Variants in ATF7 observed in about 807,000 individuals in gnomAD.
The protein encoded by ATF7 is activating transcription factor 7.
A neutral mutation model predicts 50.4 loss-of-function variants in ATF7; 10 were observed. That is an observed-to-expected ratio of 0.20 (90% confidence interval 0.12 to 0.34). ATF7 has a LOEUF of 0.34. Among genes scored for constraint, ATF7 ranks in the 10% least tolerant of loss-of-function variants. The pLI is 1.00. For synonymous variants in ATF7, 201 were observed against 226.4 expected (o/e 0.89, Z 1.01); for missense variants, 465 against 613.9 (o/e 0.76, Z 2.56).
chr12:53,576,759 A>G (rs1028246603), intron 2 of ATF7, among the ~76,000 whole-genome samples: 8 of 152,222 alleles, frequency 5.3e-5, no homozygotes, highest in African/African-American at 1.7e-4. Context: ...ACTGTAACAG[A>G]AATGAAGAAT....
In ATF7 at chr12:53,551,969, C is replaced by A. The variant is rs138957203; in HGVS notation, c.145+572G>T. Among the ~76,000 whole-genome samples the A allele has an allele frequency of 2.2e-3, 339 of 152,322 alleles. 9 individuals carry two copies. Among genetic ancestry groups the A allele is most frequent in the Admixed American group, 0.018 (279 of 15,298 alleles). Reference sequence around the variant, plus strand: ...ATGGCATATACAAGCAAGACAGTATCTAAAACAACTGCTGAGAGGTTCCAG... The same window carrying A: ...ATGGCATATACAAGCAAGACAGTATATAAAACAACTGCTGAGAGGTTCCAG... On this transcript the variant is annotated intron_variant, in intron 3 of 11. Transcript: ENST00000420353.
At chr12:53,566,350 C>T (rs1439719363) in intron 2 of ATF7, among the ~76,000 whole-genome samples, 3 of 152,126 alleles carry the variant, frequency 2.0e-5, no homozygotes, top group African/African-American at 7.2e-5. Flanking sequence ...CTTAACCCAA[C>T]CCCCATTTTT....
At chr12:53,536,695 C>G (rs1240019307) in intron 5 of ATF7, among the ~76,000 whole-genome samples, 1 of 151,882 alleles carries the variant, frequency 6.6e-6, no homozygotes, top group Non-Finnish European at 1.5e-5. Context: ...CGAGACCAGC[C>G]TGACAAATGT....
At chr12:53,537,813 A>T (rs918671868) in intron 4 of ATF7, among the ~76,000 whole-genome samples, 1 of 152,158 alleles carries the variant, frequency 6.6e-6, no homozygotes, top group Admixed American at 6.6e-5. Flanking sequence ...CCCAAGTTCA[A>T]GAGATTCTCC....
intron 4 of ATF7, among the ~76,000 whole-genome samples, chr12:53,540,241 C>T (rs760678351): frequency 4.0e-5 from 6 of 151,248 alleles, no homozygotes; most frequent in Non-Finnish European, 8.8e-5. Context: ...GTCCCAGCTA[C>T]TTGGGAGGCT....
chr12:53,542,301 C>T (rs1251976229), intron 4 of ATF7, among the ~76,000 whole-genome samples: 1 of 151,634 alleles, frequency 6.6e-6, no homozygotes, highest in East Asian at 2.0e-4. Context: ...GTGGTGGGCG[C>T]CTGTAGTTCC....
intron 1 of ATF7, among the ~76,000 whole-genome samples, chr12:53,615,188 C>T (rs890754249): frequency 1.3e-5 from 2 of 151,944 alleles, no homozygotes; most frequent in Non-Finnish European, 2.9e-5. Context: ...TTGAGACCAT[C>T]CTGGCTAATA....
At chr12:53,559,574 G>C (rs559441078) in intron 2 of ATF7, among the ~76,000 whole-genome samples, 1 of 151,542 alleles carries the variant, frequency 6.6e-6, no homozygotes, top group East Asian at 2.0e-4. Flanking sequence ...AGCTACTCGG[G>C]AGGCTGAGGC....
chr12:53,524,715 C>A lies in ATF7; in HGVS notation c.974G>T (p.Arg325Leu), dbSNP rs759577252. 2 of 1,612,268 alleles carry A rather than the reference C, an allele frequency of 1.2e-6. No homozygotes were observed. The highest frequency in any genetic ancestry group is 1.7e-6 in the Non-Finnish European group (2 of 1,179,512). ...PTPSTGGRRR[R>L]TVDEDPDERR... Reference sequence around the variant, plus strand: ...CTCATCTGGATCTTCATCTACTGTGCGCCGCCGTCGCCCCCCAGTACTAGG... The same window carrying A: ...CTCATCTGGATCTTCATCTACTGTGAGCCGCCGTCGCCCCCCAGTACTAGG... The change falls in exon 10 of 12, where the codon CGC becomes CTC. Residue 325 changes from arginine (R) to leucine (L), a missense_variant. Physicochemically the swap from Arg to Leu is moderately radical, Grantham distance 102. Transcript: ENST00000420353. This position sits in a 1 kb window ranked among gnomAD's most constrained non-coding sequence, Gnocchi z 4.6.
intron 2 of ATF7, among the ~76,000 whole-genome samples, chr12:53,567,328 A>G (rs575799055): frequency 2.3e-4 from 35 of 152,306 alleles, no homozygotes; most frequent in Admixed American, 1.8e-3. Context: ...ATGGCTATAC[A>G]CTGGGCTTTT....
At chr12:53,613,532 T>TTTATG (rs1384434911) in intron 1 of ATF7, among the ~76,000 whole-genome samples, 1 of 152,070 alleles carries the variant, frequency 6.6e-6, no homozygotes, top group African/African-American at 2.4e-5. Flanking sequence ...TTTATTTTAT[T>TTTATG]TTTTCTGAGA....
chr12:53,607,198 A>G (rs948437826), intron 1 of ATF7, among the ~76,000 whole-genome samples: 82 of 152,162 alleles, frequency 5.4e-4, no homozygotes, highest in Non-Finnish European at 8.8e-4. Context: ...AAGTGTTCCT[A>G]TTTCTCCACA....
intron 1 of ATF7, among the ~76,000 whole-genome samples, chr12:53,607,532 T>C (rs1208769697): frequency 6.6e-6 from 1 of 152,152 alleles, no homozygotes; most frequent in African/African-American, 2.4e-5. Flanking sequence ...AGAACAGGAA[T>C]TTAAACAAGA....
At chr12:53,580,054 T>C (rs983666066) in intron 2 of ATF7, among the ~76,000 whole-genome samples, 3 of 151,920 alleles carry the variant, frequency 2.0e-5, no homozygotes, top group Admixed American at 6.6e-5. Flanking sequence ...CCTCAGCCTC[T>C]TGAGTAGTTG....
At chr12:53,609,995 TTAG>T (rs1943791544) in intron 1 of ATF7, among the ~76,000 whole-genome samples, 1 of 151,804 alleles carries the variant, frequency 6.6e-6, no homozygotes, top group Non-Finnish European at 1.5e-5. Context: ...TTTTGTATTT[TTAG>T]TAGAGACGGG....
At chr12:53,601,340 T>C (rs1943393974) in intron 1 of ATF7, among the ~76,000 whole-genome samples, 1 of 152,210 alleles carries the variant, frequency 6.6e-6, no homozygotes, top group Non-Finnish European at 1.5e-5. Context: ...TGCAGTTCCT[T>C]ATGTCAATAA....
At chr12:53,548,030 C>G (rs1454335058) in intron 3 of ATF7, among the ~76,000 whole-genome samples, 1 of 125,988 alleles carries the variant, frequency 7.9e-6, no homozygotes, top group Non-Finnish European at 1.8e-5. Flanking sequence ...TGCCACCATG[C>G]CTAGCTATTT....
chr12:53,625,533 C>T (rs966654865), intron 1 of ATF7, among the ~76,000 whole-genome samples: 12 of 152,234 alleles, frequency 7.9e-5, no homozygotes, highest in African/African-American at 2.9e-4. Flanking sequence ...CGACTCAGCT[C>T]ACCCATACTG....
chr12:53,508,867 G>A (rs1944074170), downstream of ATF7, among the ~76,000 whole-genome samples: 1 of 152,216 alleles, frequency 6.6e-6, no homozygotes, highest in Non-Finnish European at 1.5e-5. Context: ...CAGAAGGACA[G>A]GAGCAGGCTA....
Sources: gnomAD v4.1 joint callset for allele counts (sites outside exome capture counted in the v4.1 genomes callset) on GRCh38, gnomAD v4.1.1 for gene constraint, Gnocchi (gnomAD v3.1) non-coding constraint, MANE v1.5 for transcripts, NCBI Gene and HGNC (gene_info 2026-07-23, HGNC 2026-07-21) for gene names.